UBL7: variants seen among roughly 807,000 people sequenced by gnomAD.
The protein encoded by UBL7 is ubiquitin-like protein 7.
In UBL7, 21 loss-of-function variants were observed where a neutral mutation model predicts 41.7. The ratio of observed to expected loss-of-function variants is 0.50; its 90% confidence interval spans 0.36 to 0.73. The LOEUF (loss-of-function observed/expected upper bound fraction) is 0.73, where lower values mean the gene tolerates loss of function less well. Among genes scored for constraint, UBL7 ranks in the 30% least tolerant of loss-of-function variants. The probability of loss-of-function intolerance (pLI) is 0.00; values close to 1 mark genes in which losing one functional copy is unlikely to be tolerated. For missense variants in UBL7, 403 were observed against 478.4 expected (o/e 0.84, Z 1.47); for synonymous variants, 157 against 186.9 (o/e 0.84, Z 1.31).
Position 74,452,371 on chromosome 15 carries a change from C to A in UBL7, c.312G>T (p.Val104=). Residue 104 remains valine, a synonymous_variant, in exon 4 of 11, where the codon GTG becomes GTT. Transcript: ENST00000395081. ...WPEPDQKPEP[V]DKVAAMREFR... ...ACTCTCTCATGGCAGCCACTTTGTCCACAGGTTCTGGGGGACAAGACATTC... is the reference window on the plus strand; with the variant it reads ...ACTCTCTCATGGCAGCCACTTTGTCAACAGGTTCTGGGGGACAAGACATTC... The A allele has an allele frequency of 6.4e-7, 1 of 1,557,950 alleles. No homozygotes were observed. The highest frequency in any genetic ancestry group is 1.4e-5 in the African/African-American group (1 of 73,754).
chr15:74,459,695 G>A (rs2061329722), intron 1 of UBL7, among the ~76,000 whole-genome samples: 1 of 151,824 alleles, frequency 6.6e-6, no homozygotes, highest in African/African-American at 2.4e-5. Context: ...GCTGGGCGCG[G>A]TGGCTCATGC....
intron 1 of UBL7, among the ~76,000 whole-genome samples, chr15:74,460,093 T>A (rs2061334643): frequency 6.6e-6 from 1 of 151,458 alleles, no homozygotes; most frequent in Non-Finnish European, 1.5e-5. Context: ...ATAGAAAAAA[T>A]TTGCAGGGCG....
chr15:74,458,637 C>G (rs530465808), intron 2 of UBL7, 47 bp downstream of exon 2: 24 of 1,541,236 alleles, frequency 1.6e-5, no homozygotes, highest in South Asian at 7.9e-5. Context: ...TATCCTCCCC[C>G]AAAAGAGATC....
chr15:74,457,475 G>A (rs1406684479), intron 2 of UBL7, among the ~76,000 whole-genome samples: 11 of 151,964 alleles, frequency 7.2e-5, no homozygotes, highest in African/African-American at 1.2e-4. Context: ...CCCAGGAGGC[G>A]GAGGTTGCAG....
At chr15:74,460,790 G>A in intron 1 of UBL7, 2 of 1,266,098 alleles carry the variant, frequency 1.6e-6, no homozygotes, top group South Asian at 2.6e-5. Context: ...TGATAGAGAA[G>A]AGGAAAGAAA....
chr15:74,452,341 C>A lies in UBL7; in HGVS notation c.342G>T (p.Arg114=). The A allele has an allele frequency of 6.4e-7, 1 of 1,561,760 alleles. No individual in the cohort carries two copies. Among genetic ancestry groups the A allele is most frequent in the East Asian group, 2.4e-5 (1 of 42,330 alleles). The part of the protein sequence containing the change: ...VDKVAAMREF[R]VLHTALHSSS... Reference sequence around the variant, plus strand: ...TGCTGTGCAGGGCAGTGTGCAACACCCGGAACTCTCTCATGGCAGCCACTT... The same window carrying A: ...TGCTGTGCAGGGCAGTGTGCAACACACGGAACTCTCTCATGGCAGCCACTT... Residue 114 remains arginine, a synonymous_variant, in exon 4 of 11, where the codon CGG becomes CGT. Transcript: ENST00000395081.
intron 8 of UBL7, 92 bp from the exon 9 acceptor site, chr15:74,449,445 CTCTT>C: frequency 6.4e-7 from 1 of 1,550,456 alleles, no homozygotes; most frequent in Non-Finnish European, 8.8e-7. Flanking sequence ...CTTGGGGAAA[CTCTT>C]AAGTTCCCAG....
chr15:74,461,129 G>T lies in UBL7; in HGVS notation c.-122C>A, dbSNP rs574223971. 20 of 996,780 alleles carry T rather than the reference G, an allele frequency of 2.0e-5. No homozygotes were observed. The African/African-American group carries it at 2.4e-4, about 12-fold the overall frequency. The allele number at this position is 996,780 out of a possible 1,614,324, so 61.7% of individuals were successfully genotyped here. The stretch of plus-strand genomic sequence containing the variant: ...TCACCCGTCCCGCGGAAGGAACCCG[G>T]CCGCACTGCCGCCGGTGTAAACACT... On this transcript the variant is annotated 5_prime_UTR_variant, in exon 1 of 11. Transcript: ENST00000395081.
chr15:74,451,313 C>G lies in UBL7; in HGVS notation c.472+123G>C. 2.3e-6 allele frequency: 2 copies of G among 872,276 alleles called. 1 individual carries two copies. The highest frequency in any genetic ancestry group is 3.1e-5 in the South Asian group (2 of 64,536). The allele number at this position is 872,276 out of a possible 1,614,324, so 54.0% of individuals were successfully genotyped here. ...ATATCAAACACACCTTGATTACTCT[C>G]CCTCTTCCCACAAGACCAGTCATTC... On this transcript the variant is annotated intron_variant, in intron 5 of 10. Coordinates refer to ENST00000395081, the MANE Select transcript of UBL7 (RefSeq NM_032907.5).
In UBL7 at chr15:74,446,310, A is replaced by C. The variant is rs1230636641; in HGVS notation, c.1006-83T>G. 5.1e-6 allele frequency: 8 copies of C among 1,559,814 alleles called. No individual in the cohort carries two copies. The highest frequency in any genetic ancestry group is 2.7e-5 in the African/African-American group (2 of 73,822). Reference sequence around the variant, plus strand: ...TAGGTCTGTGCTTTCCGGGGAAGGAAAGGAAGATGGGGGAGTCCTCAGCAA... The same window carrying C: ...TAGGTCTGTGCTTTCCGGGGAAGGACAGGAAGATGGGGGAGTCCTCAGCAA... On this transcript the variant is annotated intron_variant, in intron 10 of 10. Coordinates refer to ENST00000395081, the MANE Select transcript of UBL7 (RefSeq NM_032907.5). This position sits in a 1 kb window ranked among gnomAD's most constrained non-coding sequence, Gnocchi z 4.1.
chr15:74,458,958 C>A lies in UBL7; in HGVS notation c.-29-62G>T, dbSNP rs536406521. 2.0e-6 allele frequency: 3 copies of A among 1,502,444 alleles called. No homozygotes were observed. The South Asian group carries it at 3.5e-5, about 17-fold the overall frequency. The allele number at this position is 1,502,444 out of a possible 1,614,324, so 93.1% of individuals were successfully genotyped here. On this transcript the variant is annotated intron_variant, in intron 1 of 10. Transcript: ENST00000395081. ...ACCACCACTCTACTCCACCCCCACC[C>A]ACCAAAGGGTTGAATGAAAGACAAT... is the stretch of plus-strand genomic sequence containing the variant.
At chr15:74,448,334 T>C in intron 10 of UBL7, 144 bp downstream of exon 10, 7 of 1,338,920 alleles carry the variant, frequency 5.2e-6, no homozygotes, top group Non-Finnish European at 6.2e-6. Context: ...CTAGGAACAC[T>C]CTGCACCTGT....
intron 1 of UBL7, 128 bp from the exon 2 acceptor site, chr15:74,459,024 G>C (rs1187718561): frequency 1.2e-6 from 1 of 842,276 alleles, no homozygotes; most frequent in Non-Finnish European, 1.8e-6. Flanking sequence ...CGTACCATCA[G>C]GAGGCCAGAA....
intron 2 of UBL7, among the ~76,000 whole-genome samples, chr15:74,457,183 T>C (rs186269958): frequency 5.9e-5 from 9 of 152,298 alleles, no homozygotes; most frequent in Non-Finnish European, 1.2e-4. Context: ...TCTGGCCAGA[T>C]GTGGTGGCTC....
chr15:74,457,501 C>T (rs554345545), intron 2 of UBL7, among the ~76,000 whole-genome samples: 203 of 152,174 alleles, frequency 1.3e-3, no homozygotes, highest in Non-Finnish European at 2.5e-3. Flanking sequence ...CAAGATCACA[C>T]CACTGCACTC....
intron 6 of UBL7, 74 bp from the exon 7 acceptor site, chr15:74,450,143 G>GC: frequency 6.7e-7 from 1 of 1,485,094 alleles, no homozygotes. Context: ...AGTTCTGGGT[G>GC]CCCCCTCACA....
chr15:74,447,223 A>G (rs927767032), intron 10 of UBL7, among the ~76,000 whole-genome samples: 19 of 152,224 alleles, frequency 1.2e-4, no homozygotes. Context: ...CTTGAACCCT[A>G]TCGTTACGAC....
At chr15:74,455,607 G>A (rs2061286578) in intron 3 of UBL7, among the ~76,000 whole-genome samples, 1 of 152,086 alleles carries the variant, frequency 6.6e-6, no homozygotes, top group Non-Finnish European at 1.5e-5. Flanking sequence ...AGGATACAAA[G>A]TTTACTTTGT....
Position 74,450,013 on chromosome 15 carries a change from A to G in UBL7, c.587T>C (p.Val196Ala), listed in dbSNP as rs1223597710. Residue 196 changes from valine to alanine, a missense_variant, in exon 7 of 11, where the codon GTA becomes GCA. Val to Ala is a moderately conservative substitution (Grantham distance 64). Transcript: ENST00000395081. ...VNAIVLVLHS[V>A]AGSAPMPGTD... ...CCCAGGCATTGGGGCACTGCCTGCT[A>G]CGGAGTGCAGAACCAGGACAATGGC... is the stretch of plus-strand genomic sequence containing the variant. 4 of 1,613,622 alleles carry G rather than the reference A, an allele frequency of 2.5e-6. No homozygotes were observed. In the African/African-American group the frequency reaches 5.3e-5, roughly 22 times the overall value.
Sources: gnomAD v4.1 joint callset for allele counts (sites outside exome capture counted in the v4.1 genomes callset) on GRCh38, gnomAD v4.1.1 for gene constraint, Gnocchi (gnomAD v3.1) non-coding constraint, MANE v1.5 for transcripts, NCBI Gene and HGNC (gene_info 2026-07-23, HGNC 2026-07-21) for gene names.